SERPINB7: variants seen among roughly 807,000 people sequenced by gnomAD.
SERPINB7 encodes the protein serpin B7.
A neutral mutation model predicts 37.4 loss-of-function variants in SERPINB7; 31 were observed. The observed-to-expected ratio is 0.83, with a 90% confidence interval of 0.62 to 1.12. The LOEUF is 1.12. SERPINB7 is among the 50% of genes most tolerant of loss of function. The probability of loss-of-function intolerance (pLI) is 0.00; values close to 1 mark genes in which losing one functional copy is unlikely to be tolerated. For missense variants in SERPINB7, 521 were observed against 455.3 expected (o/e 1.14, Z -1.31); for synonymous variants, 163 against 166.1 (o/e 0.98, Z 0.14).
chr18:63,794,828 A>C (rs188537538), intron 4 of SERPINB7, among the ~76,000 whole-genome samples: 1 of 152,238 alleles, frequency 6.6e-6, no homozygotes, highest in Non-Finnish European at 1.5e-5. Flanking sequence ...ATCACACACA[A>C]AGCTTGCATT....
At chr18:63,801,883 T>C (rs1402138369) in intron 7 of SERPINB7, among the ~76,000 whole-genome samples, 2 of 152,180 alleles carry the variant, frequency 1.3e-5, no homozygotes, top group African/African-American at 2.4e-5. Flanking sequence ...TCCATAACAA[T>C]GATTGGTTAA....
chr18:63,768,307 G>A (rs1474846494), intron 1 of SERPINB7, among the ~76,000 whole-genome samples: 4 of 149,676 alleles, frequency 2.7e-5, no homozygotes, highest in African/African-American at 9.8e-5. Context: ...TTTTTTTCTT[G>A]CTTATCTATA....
At chr18:63,767,379 A>G (rs2049186422) in intron 1 of SERPINB7, among the ~76,000 whole-genome samples, 1 of 152,066 alleles carries the variant, frequency 6.6e-6, no homozygotes, top group South Asian at 2.1e-4. Flanking sequence ...TAAGCTCACC[A>G]TTGTCTTGAT....
At chr18:63,785,940 AT>A (rs2049361273) in intron 2 of SERPINB7, among the ~76,000 whole-genome samples, 1 of 122,800 alleles carries the variant, frequency 8.1e-6, no homozygotes, top group African/African-American at 3.5e-5. Flanking sequence ...ATATATACAC[AT>A]ATATAATATA....
chr18:63,782,519 C>T lies in SERPINB7; in HGVS notation c.147C>T (p.Asp49=), dbSNP rs2049311761. The change falls in exon 2 of 8, where the codon GAC becomes GAT. Residue 49 remains aspartate, a synonymous_variant. Transcript: ENST00000398019. ...LALVRLGAQD[D]SLSQIDKLLH... ...TGGTCCGCTTGGGCGCTCAAGATGA[C>T]TCCCTCTCTCAGATTGATAAGGTCA... 3.1e-6 allele frequency: 5 copies of T among 1,612,764 alleles called. No homozygotes were observed. The highest frequency in any genetic ancestry group is 1.7e-4 in the Middle Eastern group (1 of 6,022).
chr18:63,784,290 G>A (rs954701764), intron 2 of SERPINB7, among the ~76,000 whole-genome samples: 1 of 151,928 alleles, frequency 6.6e-6, no homozygotes, highest in African/African-American at 2.4e-5. Context: ...TGTTGTGAGG[G>A]GCTGTCCTAT....
intron 1 of SERPINB7, among the ~76,000 whole-genome samples, chr18:63,778,585 A>G (rs2049272858): frequency 6.6e-6 from 1 of 152,180 alleles, no homozygotes; most frequent in East Asian, 1.9e-4. Context: ...GGTCCATAAA[A>G]TAGTATCATA....
At chr18:63,791,529 A>G (rs1173642943) in intron 2 of SERPINB7, among the ~76,000 whole-genome samples, 1 of 152,216 alleles carries the variant, frequency 6.6e-6, no homozygotes, top group Non-Finnish European at 1.5e-5. Flanking sequence ...GTATTGGCCC[A>G]AATGTTAAAA....
At chr18:63,784,559 A>G (rs1472089498) in intron 2 of SERPINB7, among the ~76,000 whole-genome samples, 1 of 152,218 alleles carries the variant, frequency 6.6e-6, no homozygotes, top group Non-Finnish European at 1.5e-5. Flanking sequence ...ACAAATAAAA[A>G]TTTATTCATT....
At chr18:63,799,252 T>A (rs2049521841) in intron 6 of SERPINB7, among the ~76,000 whole-genome samples, 1 of 152,210 alleles carries the variant, frequency 6.6e-6, no homozygotes, top group Admixed American at 6.5e-5. Flanking sequence ...ATCTAAAACA[T>A]CTTATTGCCA....
At chr18:63,759,709 T>C (rs938379251) in intron 1 of SERPINB7, among the ~76,000 whole-genome samples, 9 of 152,156 alleles carry the variant, frequency 5.9e-5, no homozygotes, top group Non-Finnish European at 1.3e-4. Flanking sequence ...GGGAGGTAAT[T>C]GAATCAAGGT....
At chr18:63,782,316 T>A in intron 1 of SERPINB7, 39 bp from the exon 2 acceptor site, 1 of 1,208,934 alleles carries the variant, frequency 8.3e-7, no homozygotes, top group Non-Finnish European at 1.1e-6. Context: ...TCCTAGAAAA[T>A]GTACCGGGAA....
intron 7 of SERPINB7, among the ~76,000 whole-genome samples, chr18:63,803,514 T>A (rs2049571833): frequency 6.6e-6 from 1 of 152,228 alleles, no homozygotes; most frequent in Non-Finnish European, 1.5e-5. Flanking sequence ...ATTCTCAGTA[T>A]TCAAGAGCTG....
intron 1 of SERPINB7, among the ~76,000 whole-genome samples, chr18:63,753,425 C>T (rs183816761): frequency 6.6e-6 from 1 of 152,158 alleles, no homozygotes; most frequent in Admixed American, 6.5e-5. Context: ...TTATTCCTTA[C>T]CTTATGAAAA....
chr18:63,788,594 G>A (rs552173571), intron 2 of SERPINB7, among the ~76,000 whole-genome samples: 1 of 152,294 alleles, frequency 6.6e-6, no homozygotes, highest in East Asian at 1.9e-4. Context: ...TACAGTGCTT[G>A]TGAAGTCTAC....
chr18:63,780,566 T>G (rs185891747), intron 1 of SERPINB7, among the ~76,000 whole-genome samples: 25 of 152,326 alleles, frequency 1.6e-4, no homozygotes, highest in Non-Finnish European at 7.4e-5. Flanking sequence ...GAGTTTCTCC[T>G]GTAGCTTTAA....
chr18:63,784,449 C>T (rs1046941029), intron 2 of SERPINB7, among the ~76,000 whole-genome samples: 1 of 152,100 alleles, frequency 6.6e-6, no homozygotes, highest in African/African-American at 2.4e-5. Context: ...GCTCTGAAGC[C>T]ACCAAACTGA....
chr18:63,777,211 A>G (rs1029496140), intron 1 of SERPINB7, among the ~76,000 whole-genome samples: 1 of 151,950 alleles, frequency 6.6e-6, no homozygotes, highest in Non-Finnish European at 1.5e-5. Context: ...ACATATATAT[A>G]TGTGTGTGTG....
intron 1 of SERPINB7, among the ~76,000 whole-genome samples, chr18:63,760,047 A>C (rs1398647424): frequency 6.6e-6 from 1 of 152,210 alleles, no homozygotes; most frequent in Non-Finnish European, 1.5e-5. Flanking sequence ...GGTAACAGGC[A>C]GAGGTTGGAA....
Sources: gnomAD v4.1 joint callset for allele counts (sites outside exome capture counted in the v4.1 genomes callset) on GRCh38, gnomAD v4.1.1 for gene constraint, MANE v1.5 for transcripts, NCBI Gene and HGNC (gene_info 2026-07-23, HGNC 2026-07-21) for gene names.